Variants in IFRD1 observed in about 807,000 individuals in gnomAD.
IFRD1 encodes the protein interferon-related developmental regulator 1.
In IFRD1, 35 loss-of-function variants were observed where a neutral mutation model predicts 52.9. The observed-to-expected ratio is 0.66, with a 90% CI of 0.51 to 0.88. The LOEUF (loss-of-function observed/expected upper bound fraction) is 0.88. IFRD1 is among the 40% of genes least tolerant of loss of function. IFRD1 has a pLI of 0.00. For synonymous variants in IFRD1, 184 were observed against 188.4 expected, an observed-to-expected ratio of 0.98 and a Z score of 0.19; for missense variants, 517 against 550.8, an observed-to-expected ratio of 0.94 and a Z score of 0.61.
intron 1 of IFRD1, among the ~76,000 whole-genome samples, chr7:112,452,762 T>C (rs557690803): frequency 1.7e-4 from 26 of 152,356 alleles, no homozygotes; most frequent in African/African-American, 6.0e-4. Context: ...GCTTTATTGC[T>C]GCTACCTTTT....
intron 7 of IFRD1, 26 bp downstream of exon 7, chr7:112,462,205 A>C (rs768040094): frequency 2.5e-6 from 4 of 1,612,196 alleles, no homozygotes; most frequent in Admixed American, 3.3e-5. Context: ...TTCATATTTT[A>C]TAAAAGCAAC....
chr7:112,472,447 G>A, intron 10 of IFRD1, 100 bp downstream of exon 10: 1 of 1,260,246 alleles, frequency 7.9e-7, no homozygotes, highest in Non-Finnish European at 1.2e-6. Context: ...TATCCAGAGT[G>A]CTTCCACATG....
In IFRD1 at chr7:112,425,108, C is replaced by A. The variant is rs145997935; in HGVS notation, c.-182+1676C>A. 6.2e-3 allele frequency among the ~76,000 whole-genome samples: 938 copies of A among 152,172 alleles called. 11 individuals are homozygous for A. Among genetic ancestry groups the A allele is most frequent in the African/African-American group, 0.021 (874 of 41,522 alleles). ...GCAGCCTCAAACTCCTGGGCTCAAG[C>A]AATCTTCCTGCCTCAGCCTCCCCAG... On this transcript the variant is annotated intron_variant, in intron 1 of 12. Transcript: ENST00000005558.
intron 11 of IFRD1, among the ~76,000 whole-genome samples, chr7:112,473,978 A>G (rs541356439): frequency 6.6e-6 from 1 of 152,300 alleles, no homozygotes; most frequent in South Asian, 2.1e-4. Flanking sequence ...ATTTCATACA[A>G]ATGGAGTTAT....
At position 112,440,478 on chromosome 7, in the gene IFRD1, G is replaced by A. The variant is rs549830915; in HGVS notation, c.-181-10030G>A. Among the ~76,000 whole-genome samples, 6 of 152,188 alleles carry A rather than the reference G, an allele frequency of 3.9e-5. No individual in the cohort carries two copies. The East Asian group carries it at 1.2e-3, about 29-fold the overall frequency. ...TATTTAAATGTGATAAGCCTGGTAC[G>A]GTCAATTCAGTTTGGCATAGGTTTT... On this transcript the variant is annotated intron_variant, in intron 1 of 12. Coordinates refer to the IFRD1 transcript ENST00000005558.
In IFRD1 at chr7:112,458,944, A is replaced by T; in HGVS notation, c.493A>T (p.Ile165Phe). 5.6e-6 allele frequency: 9 copies of T among 1,613,658 alleles called. No homozygotes were observed. The highest frequency in any genetic ancestry group is 7.6e-6 in the Non-Finnish European group (9 of 1,179,658). Residue 165 changes from isoleucine to phenylalanine, a missense_variant, in exon 5 of 12, where the codon ATT (isoleucine) becomes TTT (phenylalanine). Transcript: ENST00000403825. ...QLGPGIESEEILKTLGPILKK... is the reference protein window; with the variant it reads ...QLGPGIESEEFLKTLGPILKK... The stretch of plus-strand genomic sequence containing the variant: ...GGGCCCTGGAATTGAAAGTGAAGAG[A>T]TTTTGAAAACTCTTGGACCAATCCT...
Position 112,461,999 on chromosome 7 carries a change from A to G in IFRD1, c.619-2A>G, listed in dbSNP as rs1409843041. On this transcript the variant is annotated splice_acceptor_variant, in intron 6 of 11. Transcript: ENST00000403825. LOFTEE classifies it high-confidence loss of function. ...ATCTTACTTCATATTCTTATGCATTAGGAACTATACTCAACTCTGGAATGT... is the reference window on the plus strand; with the variant it reads ...ATCTTACTTCATATTCTTATGCATTGGGAACTATACTCAACTCTGGAATGT... 1 of 1,609,246 alleles carries G rather than the reference A, an allele frequency of 6.2e-7. No individual in the cohort carries two copies. The highest frequency in any genetic ancestry group is 8.5e-7 in the Non-Finnish European group (1 of 1,175,922).
At chr7:112,467,771 G>A in intron 8 of IFRD1, 2 of 556,384 alleles carry the variant, frequency 3.6e-6, no homozygotes, top group Non-Finnish European at 6.4e-6. Flanking sequence ...TTGTTTTGCT[G>A]TAGTACATCA....
At chr7:112,475,233 C>G (rs1435436221) in intron 11 of IFRD1, among the ~76,000 whole-genome samples, 197 bp from the exon 12 acceptor site, 1 of 152,220 alleles carries the variant, frequency 6.6e-6, no homozygotes, top group Non-Finnish European at 1.5e-5. Context: ...GCTGGGATTA[C>G]AGGTGTGAGC....
chr7:112,434,431 G>T (rs778322644), intron 1 of IFRD1, among the ~76,000 whole-genome samples: 1 of 152,178 alleles, frequency 6.6e-6, no homozygotes, highest in Admixed American at 6.5e-5. Context: ...GGCTAGCAAT[G>T]GCCCTGGATC....
At position 112,445,001 on chromosome 7, in the gene IFRD1, A is replaced by C. The variant is rs116737426; in HGVS notation, c.-181-5507A>C. On this transcript the variant is annotated intron_variant, in intron 1 of 12. Transcript: ENST00000005558. ...CCATGACTCCTAGGAACAAGCACTC[A>C]GGTTCCCATATGACCAAAGCCAGCC... Among the ~76,000 whole-genome samples the C allele has an allele frequency of 2.7e-3, 408 of 151,862 alleles. 1 individual carries two copies. Among genetic ancestry groups the C allele is most frequent in the African/African-American group, 9.4e-3 (388 of 41,416 alleles).
chr7:112,452,986 T>C lies in IFRD1; in HGVS notation c.94+2204T>C, dbSNP rs9656193. ...TTTTTAAAACTTTAACTTGGTCCTATGTGAATGTTTTACTTGTTTAATAAA... is the reference window on the plus strand; with the variant it reads ...TTTTTAAAACTTTAACTTGGTCCTACGTGAATGTTTTACTTGTTTAATAAA... On this transcript the variant is annotated intron_variant, in intron 1 of 11. Transcript: ENST00000403825. 5.8e-3 allele frequency among the ~76,000 whole-genome samples: 884 copies of C among 152,330 alleles called. 9 individuals carry two copies. The highest frequency in any genetic ancestry group is 0.02 in the African/African-American group (846 of 41,566).
chr7:112,435,662 T>TGTGTGTGTGTG (rs1238450260), intron 1 of IFRD1: 4 of 12,500 alleles, frequency 3.2e-4, no homozygotes, highest in East Asian at 2.4e-3. Context: ...GTGTGCGTGC[T>TGTGTGTGTGTG]TGTAAAAAAT....
rs1306456385 is a variant in IFRD1, at chr7:112,461,908, G to A, written c.610G>A (p.Asp204Asn). Residue 204 changes from aspartate (D) to asparagine (N), a missense_variant, in exon 6 of 12, where the codon GAC (aspartate) becomes AAC (asparagine). Transcript: ENST00000403825. ...TGTTTGCTGTTTTATTGCCACAGATGACATTACTGTAAGTAAAAAACCTTT... is the reference window on the plus strand; with the variant it reads ...TGTTTGCTGTTTTATTGCCACAGATAACATTACTGTAAGTAAAAAACCTTT... Reference protein sequence around the residue: ...FGVCCFIATDDITELYSTLEC... With the variant: ...FGVCCFIATDNITELYSTLEC... 4 of 1,607,732 alleles carry A rather than the reference G, an allele frequency of 2.5e-6. No homozygotes were observed. In the East Asian group the frequency reaches 6.7e-5, roughly 27 times the overall value.
Position 112,455,839 on chromosome 7 carries a change from T to C in IFRD1, c.171T>C (p.Tyr57=), listed in dbSNP as rs1425943091. Residue 57 remains tyrosine, a synonymous_variant, in exon 2 of 12, where the codon TAT becomes TAC. Coordinates refer to ENST00000403825, the MANE Select transcript of IFRD1 (RefSeq NM_001550.4). ...AAACAATGAGCCATTGCAGTGGTTA[T>C]AGCGATCCTTCCAGTTTTGCTGAAG... ...SIETMSHCSG[Y]SDPSSFAEDG... 2.5e-6 allele frequency: 4 copies of C among 1,611,768 alleles called. No homozygotes were observed. The highest frequency in any genetic ancestry group is 1.7e-6 in the Non-Finnish European group (2 of 1,178,002).
At chr7:112,448,229 G>C (rs1003449652), upstream of IFRD1, among the ~76,000 whole-genome samples, 7 of 151,960 alleles carry the variant, frequency 4.6e-5, no homozygotes, top group African/African-American at 1.7e-4. Context: ...TGAGATGACA[G>C]ATGTATTCAC....
intron 1 of IFRD1, among the ~76,000 whole-genome samples, chr7:112,443,909 A>G (rs1022077769): frequency 2.6e-5 from 4 of 151,822 alleles, no homozygotes; most frequent in Non-Finnish European, 4.4e-5. Context: ...CCCACCAAAA[A>G]AACAAAAACA....
rs1453828784 is a variant in IFRD1, at chr7:112,462,036, C to G, written c.654C>G (p.Ile218Met). ...LYSTLECLENIFTKSYLKEKD... is the reference protein window; with the variant it reads ...LYSTLECLENMFTKSYLKEKD... ...CAACTCTGGAATGTTTGGAAAATAT[C>G]TTCACTAAATCCTATCTCAAAGAGA... Residue 218 changes from isoleucine to methionine, a missense_variant, in exon 7 of 12, where the codon ATC (isoleucine) becomes ATG (methionine). Ile to Met is a conservative substitution (Grantham distance 10, BLOSUM62 1). Transcript: ENST00000403825. 6.2e-7 allele frequency: 1 copy of G among 1,613,094 alleles called. No homozygotes were observed.
chr7:112,468,734 G>C (rs967304746), intron 9 of IFRD1, among the ~76,000 whole-genome samples: 3 of 152,156 alleles, frequency 2.0e-5, no homozygotes, highest in Non-Finnish European at 4.4e-5. Flanking sequence ...TCCTGACCTT[G>C]TGATCCACCC....
Sources: allele counts gnomAD v4.1 joint callset (sites outside exome capture counted in the v4.1 genomes callset), GRCh38; gene constraint gnomAD v4.1.1; transcripts MANE v1.5; gene names NCBI Gene and HGNC (gene_info 2026-07-23, HGNC 2026-07-21).